FHIT: variants seen among roughly 807,000 people sequenced by gnomAD.
FHIT encodes the protein fragile histidine triad diadenosine triphosphatase, also known as bis(5'-adenosyl)-triphosphatase.
A neutral mutation model predicts 17.9 loss-of-function variants in FHIT; 19 were observed. The ratio of observed to expected loss-of-function variants is 1.06; its 90% CI spans 0.74 to 1.56. The LOEUF (loss-of-function observed/expected upper bound fraction) is 1.56, where lower values mean the gene tolerates loss of function less well. Among genes scored for constraint, FHIT ranks in the 40% most tolerant of loss-of-function variants. The pLI is 0.00. For missense variants in FHIT, 248 were observed against 189.2 expected, an observed-to-expected ratio of 1.31 and a Z score of -1.82; for synonymous variants, 81 against 69.7, an observed-to-expected ratio of 1.16 and a Z score of -0.81.
intron 2 of FHIT, among the ~76,000 whole-genome samples, chr3:61,167,714 GAA>G (rs2037883292): frequency 6.6e-6 from 1 of 150,792 alleles, no homozygotes; most frequent in South Asian, 2.1e-4. Context: ...GAAAGGAAAG[GAA>G]AAGAAAAGAA....
At chr3:61,150,908 A>C (rs1261383459) in intron 2 of FHIT, among the ~76,000 whole-genome samples, 1 of 152,236 alleles carries the variant, frequency 6.6e-6, no homozygotes, top group Non-Finnish European at 1.5e-5. Flanking sequence ...GCCATGGGAC[A>C]TGAAAGTCAA....
chr3:61,055,961 C>T lies in FHIT; in HGVS notation c.-163-13862G>A, dbSNP rs565941382. ...GGTCTCCATCATCTCAAGCATTTAT[C>T]CTTTGTGTTACAAATAATTAAACTC... On this transcript the variant is annotated intron_variant, in intron 2 of 9. Coordinates refer to ENST00000492590, the MANE Select transcript of FHIT (RefSeq NM_002012.4). Among the ~76,000 whole-genome samples the T allele has an allele frequency of 3.9e-5, 6 of 152,302 alleles. No individual in the cohort carries two copies. In the East Asian group the frequency reaches 1.2e-3, roughly 29 times the overall value.
intron 5 of FHIT, among the ~76,000 whole-genome samples, chr3:60,069,043 A>T (rs1251247423): frequency 6.6e-6 from 1 of 152,176 alleles, no homozygotes; most frequent in African/African-American, 2.4e-5. Flanking sequence ...TCCTAAGGAC[A>T]AAGCTCCAAA....
intron 5 of FHIT, among the ~76,000 whole-genome samples, chr3:60,119,854 T>C (rs967604463): frequency 3.9e-5 from 6 of 152,148 alleles, no homozygotes; most frequent in African/African-American, 1.4e-4. Flanking sequence ...CATACTTGAT[T>C]CCATGACTTC....
chr3:60,712,432 A>G (rs1221571805), intron 4 of FHIT, among the ~76,000 whole-genome samples: 4 of 151,914 alleles, frequency 2.6e-5, no homozygotes, highest in Non-Finnish European at 4.4e-5. Flanking sequence ...AACAATATTA[A>G]CTATAAATGT....
At chr3:60,432,748 A>C (rs1702968055) in intron 5 of FHIT, among the ~76,000 whole-genome samples, 1 of 152,152 alleles carries the variant, frequency 6.6e-6, no homozygotes, top group Non-Finnish European at 1.5e-5. Context: ...CAGGAGTAAA[A>C]TTAACATGTT....
At chr3:60,784,130 T>C (rs1362167160) in intron 4 of FHIT, among the ~76,000 whole-genome samples, 2 of 152,088 alleles carry the variant, frequency 1.3e-5, no homozygotes, top group African/African-American at 2.4e-5. Flanking sequence ...TGACTCTTCC[T>C]GGGAGGGTGA....
intron 4 of FHIT, among the ~76,000 whole-genome samples, chr3:60,772,960 C>T (rs547530265): frequency 6.6e-6 from 1 of 152,266 alleles, no homozygotes; most frequent in Non-Finnish European, 1.5e-5. Flanking sequence ...GCATAGCCAT[C>T]CCTACGCCTT....
intron 5 of FHIT, among the ~76,000 whole-genome samples, chr3:60,153,148 T>C (rs528127994): frequency 4.9e-4 from 74 of 152,272 alleles, no homozygotes; most frequent in Non-Finnish European, 7.8e-4. Context: ...TCCTCAATGA[T>C]CTTCATAAAA....
intron 7 of FHIT, among the ~76,000 whole-genome samples, chr3:59,976,919 G>A (rs1022940384): frequency 3.9e-5 from 6 of 152,086 alleles, no homozygotes; most frequent in African/African-American, 1.4e-4. Context: ...TTTGGAACTA[G>A]GCATGGCTTG....
chr3:60,430,374 C>G (rs540373676), intron 5 of FHIT, among the ~76,000 whole-genome samples: 12 of 151,904 alleles, frequency 7.9e-5, no homozygotes, highest in Non-Finnish European at 1.5e-4. Flanking sequence ...AAGTATAATA[C>G]AGAAACCCAC....
rs115290894 is a variant in FHIT, at chr3:60,720,305, C to G, written c.-18+101614G>C. On this transcript the variant is annotated intron_variant, in intron 4 of 9. Coordinates refer to ENST00000492590, the MANE Select transcript of FHIT (RefSeq NM_002012.4). ...GCTCAAATGTCATCTCCCCTGAAAG[C>G]TTTCCCTGAACCTCCTACCCAGCAG... Among the ~76,000 whole-genome samples the G allele has an allele frequency of 6.7e-3, 1,025 of 152,308 alleles. 19 individuals are homozygous for G. The highest frequency in any genetic ancestry group is 0.023 in the African/African-American group (945 of 41,552).
At chr3:60,810,788 T>C (rs1306965857) in intron 4 of FHIT, among the ~76,000 whole-genome samples, 2 of 152,228 alleles carry the variant, frequency 1.3e-5, no homozygotes, top group Non-Finnish European at 2.9e-5. Context: ...TTCTGAGCCA[T>C]GAATCCACTG....
chr3:60,934,696 C>G (rs1242853378), intron 3 of FHIT, among the ~76,000 whole-genome samples: 3 of 152,320 alleles, frequency 2.0e-5, no homozygotes, highest in East Asian at 1.9e-4. Flanking sequence ...GTACATGTAA[C>G]AAATGGGTTG....
chr3:60,784,160 A>G (rs1009473876), intron 4 of FHIT, among the ~76,000 whole-genome samples: 1 of 152,014 alleles, frequency 6.6e-6, no homozygotes, highest in Admixed American at 6.6e-5. Flanking sequence ...ACCTGCCAAT[A>G]GGCTCCTGCA....
chr3:60,925,600 A>G lies in FHIT; in HGVS notation c.-110-103589T>C, dbSNP rs1707551667. 2.0e-5 allele frequency among the ~76,000 whole-genome samples: 3 copies of G among 152,246 alleles called. No individual in the cohort carries two copies. In the South Asian group the frequency reaches 6.2e-4, roughly 31 times the overall value. Reference sequence around the variant, plus strand: ...AGGAACAACTGGTACCAGCCACTGCAGAAATATACCAAATTGTAAAGCCCA... The same window carrying G: ...AGGAACAACTGGTACCAGCCACTGCGGAAATATACCAAATTGTAAAGCCCA... On this transcript the variant is annotated intron_variant, in intron 3 of 9. Coordinates refer to ENST00000492590, the MANE Select transcript of FHIT (RefSeq NM_002012.4).
intron 7 of FHIT, among the ~76,000 whole-genome samples, chr3:59,934,410 C>T (rs1423186941): frequency 6.6e-6 from 1 of 152,114 alleles, no homozygotes; most frequent in Non-Finnish European, 1.5e-5. Context: ...ACAGTAAGCT[C>T]TTCTGCAAGA....
chr3:60,434,781 A>AT (rs1469071610), intron 5 of FHIT, among the ~76,000 whole-genome samples: 2 of 152,090 alleles, frequency 1.3e-5, no homozygotes, highest in African/African-American at 2.4e-5. Context: ...ATTTTACAGT[A>AT]TATTCCTTGG....
intron 2 of FHIT, among the ~76,000 whole-genome samples, chr3:61,136,528 G>C (rs898682006): frequency 4.0e-5 from 6 of 151,800 alleles, no homozygotes; most frequent in Non-Finnish European, 8.8e-5. Context: ...TTACAATGGG[G>C]GTTGGAGGTA....
Sources: gnomAD v4.1 joint callset for allele counts (sites outside exome capture counted in the v4.1 genomes callset) on GRCh38, gnomAD v4.1.1 for gene constraint, MANE v1.5 for transcripts, NCBI Gene and HGNC (gene_info 2026-07-23, HGNC 2026-07-21) for gene names.